UVRAG: variants seen among roughly 807,000 people sequenced by gnomAD.
UVRAG encodes the protein UV radiation resistance associated.
In UVRAG, 19 loss-of-function variants were observed where a neutral mutation model predicts 78.0. The ratio of observed to expected loss-of-function variants is 0.24; its 90% CI spans 0.17 to 0.36. The LOEUF is 0.36. UVRAG is among the 10% of genes least tolerant of loss of function. The pLI, the probability that UVRAG is intolerant of heterozygous loss-of-function variation, is 1.00. For missense variants in UVRAG, 740 were observed against 853.8 expected (o/e 0.87, Z 1.66); for synonymous variants, 323 against 324.6 (o/e 1.00, Z 0.05).
chr11:76,059,100 TCTTA>T (rs1951033398), intron 12 of UVRAG, among the ~76,000 whole-genome samples: 1 of 152,028 alleles, frequency 6.6e-6, no homozygotes, highest in African/African-American at 2.4e-5. Context: ...TGATAAGAGG[TCTTA>T]CTTAAAAGAA....
At chr11:75,880,064 A>G (rs190033301) in intron 4 of UVRAG, 24 bp downstream of exon 4, 111 of 1,611,314 alleles carry the variant, frequency 6.9e-5, no homozygotes, top group Admixed American at 1.0e-4. Flanking sequence ...TGTAGTTTCA[A>G]GTAGTTGTCA....
intron 12 of UVRAG, 124 bp from the exon 13 acceptor site, chr11:76,065,586 C>A: frequency 2.8e-6 from 2 of 718,186 alleles, no homozygotes; most frequent in Non-Finnish European, 4.7e-6. Flanking sequence ...ATGACTATAG[C>A]TAGGTGACTT....
intron 6 of UVRAG, chr11:75,942,574 T>C (rs763966024): frequency 1.3e-5 from 2 of 152,106 alleles, no homozygotes; most frequent in African/African-American, 4.8e-5. Context: ...ACAAGTCTAA[T>C]AATTTCTTTT....
chr11:75,881,278 G>GT (rs1228779047), intron 4 of UVRAG, among the ~76,000 whole-genome samples: 2 of 152,170 alleles, frequency 1.3e-5, no homozygotes, highest in Admixed American at 6.5e-5. Context: ...GCACAGCTTG[G>GT]TTTTATACAT....
chr11:76,035,082 G>A (rs937710858), intron 12 of UVRAG, among the ~76,000 whole-genome samples: 1 of 151,870 alleles, frequency 6.6e-6, no homozygotes, highest in Non-Finnish European at 1.5e-5. Flanking sequence ...AATTTATTGA[G>A]ACAACTTCTG....
chr11:76,124,052 C>T (rs1333120531), intron 14 of UVRAG, among the ~76,000 whole-genome samples: 1 of 152,248 alleles, frequency 6.6e-6, no homozygotes, highest in Non-Finnish European at 1.5e-5. Context: ...GCATGAGCCA[C>T]CACGCCCAGC....
In UVRAG at chr11:75,856,298, C is replaced by T. The variant is rs573395824; in HGVS notation, c.235+4298C>T. Reference sequence around the variant, plus strand: ...GATTACAGGCGTGAGCCACCGTGCCCGGCCCTTAAGTTTGTTTTTCATAGT... The same window carrying T: ...GATTACAGGCGTGAGCCACCGTGCCTGGCCCTTAAGTTTGTTTTTCATAGT... On this transcript the variant is annotated intron_variant, in intron 2 of 14. Transcript: ENST00000356136. Among the ~76,000 whole-genome samples, 10 of 152,228 alleles carry T rather than the reference C, an allele frequency of 6.6e-5. No homozygotes were observed. In the South Asian group the frequency reaches 1.2e-3, roughly 19 times the overall value.
At chr11:75,905,199 T>C (rs1947588662) in intron 5 of UVRAG, among the ~76,000 whole-genome samples, 1 of 152,256 alleles carries the variant, frequency 6.6e-6, no homozygotes, top group Non-Finnish European at 1.5e-5. Context: ...ATTTTGTTGC[T>C]GATTTATAAG....
intron 13 of UVRAG, among the ~76,000 whole-genome samples, chr11:76,088,462 GC>G (rs1951632947): frequency 6.7e-6 from 1 of 150,004 alleles, no homozygotes; most frequent in East Asian, 2.0e-4. Context: ...CTTCTCCTAT[GC>G]CACCCCCAAC....
At chr11:75,875,503 G>C (rs1946750686) in intron 3 of UVRAG, among the ~76,000 whole-genome samples, 1 of 147,912 alleles carries the variant, frequency 6.8e-6, no homozygotes, top group Admixed American at 6.7e-5. Context: ...CTAGGAAATT[G>C]CTACTTATCT....
At chr11:75,930,927 T>TTTTCTTTCTTTCTTTCTTTCTTTC (rs61014857) in intron 6 of UVRAG, 76 of 117,512 alleles carry the variant, frequency 6.5e-4, no homozygotes, top group East Asian at 1.5e-3. Flanking sequence ...AGTGTCGGGA[T>TTTTCTTTCTTTCTTTCTTTCTTTC]TTTCTTTCTT....
chr11:76,069,813 A>G (rs755043287), intron 13 of UVRAG, among the ~76,000 whole-genome samples: 1 of 152,100 alleles, frequency 6.6e-6, no homozygotes, highest in East Asian at 1.9e-4. Context: ...ACTTCTATAT[A>G]CTTCACTGTT....
chr11:75,993,156 A>T (rs1460193095), intron 8 of UVRAG, among the ~76,000 whole-genome samples: 1 of 152,216 alleles, frequency 6.6e-6, no homozygotes, highest in Non-Finnish European at 1.5e-5. Context: ...TAATACTGAC[A>T]TAGGAATTAA....
intron 12 of UVRAG, among the ~76,000 whole-genome samples, chr11:76,031,653 A>G (rs1369721622): frequency 6.6e-6 from 1 of 152,214 alleles, no homozygotes; most frequent in African/African-American, 2.4e-5. Context: ...CCCAACCTGA[A>G]CTTACTGCTT....
intron 13 of UVRAG, among the ~76,000 whole-genome samples, chr11:76,108,540 T>C (rs936130860): frequency 6.6e-6 from 1 of 152,200 alleles, no homozygotes; most frequent in Non-Finnish European, 1.5e-5. Flanking sequence ...TCTGTCTTAT[T>C]TGATGAAACA....
chr11:76,115,864 A>G (rs770735236), intron 13 of UVRAG, 60 bp from the exon 14 acceptor site: 2 of 1,504,322 alleles, frequency 1.3e-6, no homozygotes, highest in South Asian at 1.2e-5. Context: ...TTAGTGGTTC[A>G]TTTTTCCGAA....
Position 75,851,920 on chromosome 11 carries a change from A to G in UVRAG, c.155A>G (p.Asn52Ser), listed in dbSNP as rs2134744430. The G allele has an allele frequency of 1.9e-6, 3 of 1,613,964 alleles. No individual in the cohort carries two copies. The East Asian group carries it at 6.7e-5, about 36-fold the overall frequency. The change falls in exon 2 of 15, where the codon AAC becomes AGC. Residue 52 changes from asparagine to serine, a missense_variant. Asn to Ser is a conservative substitution (Grantham distance 46). Transcript: ENST00000356136. ...LRHLRNIAAR[N>S]IVNRNGHQLL... is the part of the protein sequence containing the mutation. ...CATCTTCGGAACATTGCTGCCCGGA[A>G]CATTGTTAATAGAAATGGCCATCAG...
intron 11 of UVRAG, among the ~76,000 whole-genome samples, chr11:76,010,277 G>A (rs1403538934): frequency 2.0e-5 from 3 of 152,100 alleles, no homozygotes; most frequent in Admixed American, 6.5e-5. Flanking sequence ...TAAATGCCAG[G>A]CACATGATGC....
chr11:75,833,823 GATC>G (rs1945717072), intron 1 of UVRAG, among the ~76,000 whole-genome samples: 2 of 152,262 alleles, frequency 1.3e-5, no homozygotes, highest in African/African-American at 4.8e-5. Context: ...TTAAGGCACA[GATC>G]GCTCATGTTA....
Sources: gnomAD v4.1 joint callset for allele counts (sites outside exome capture counted in the v4.1 genomes callset) on GRCh38, gnomAD v4.1.1 for gene constraint, MANE v1.5 for transcripts, NCBI Gene and HGNC (gene_info 2026-07-23, HGNC 2026-07-21) for gene names.